CAMK2D: variants seen among roughly 807,000 people sequenced by gnomAD.
CAMK2D encodes calcium/calmodulin dependent protein kinase II delta.
A neutral mutation model predicts 84.0 loss-of-function variants in CAMK2D; 37 were observed. The observed-to-expected ratio is 0.44, with a 90% CI of 0.34 to 0.58. The LOEUF (loss-of-function observed/expected upper bound fraction) is 0.58. Among genes scored for constraint, CAMK2D ranks in the 20% least tolerant of loss-of-function variants. CAMK2D has a pLI of 0.02. For synonymous variants in CAMK2D, 202 were observed against 212.5 expected (o/e 0.95, Z 0.43); for missense variants, 448 against 652.5 (o/e 0.69, Z 3.41).
At chr4:113,540,294 G>A (rs1268462022) in intron 6 of CAMK2D, among the ~76,000 whole-genome samples, 1 of 152,202 alleles carries the variant, frequency 6.6e-6, no homozygotes, top group African/African-American at 2.4e-5. Context: ...AGCTGAAAGG[G>A]TAGTATTTCT....
chr4:113,643,515 C>T (rs1046563663), intron 3 of CAMK2D, among the ~76,000 whole-genome samples: 3 of 152,250 alleles, frequency 2.0e-5, no homozygotes, highest in Non-Finnish European at 4.4e-5. Context: ...GTCATAAGAA[C>T]AGGGTCCGGA....
intron 4 of CAMK2D, among the ~76,000 whole-genome samples, chr4:113,580,198 G>T (rs891781371): frequency 6.6e-6 from 1 of 152,174 alleles, no homozygotes; most frequent in East Asian, 1.9e-4. Context: ...AAAAAGGCAA[G>T]AGAAAATGAC....
intron 2 of CAMK2D, among the ~76,000 whole-genome samples, chr4:113,714,003 C>T (rs985580070): frequency 2.6e-5 from 4 of 151,826 alleles, no homozygotes; most frequent in Admixed American, 6.6e-5. Context: ...CCTTCATTAC[C>T]ACTATATCAT....
chr4:113,516,632 A>C (rs975484954), intron 9 of CAMK2D, among the ~76,000 whole-genome samples: 32 of 92,706 alleles, frequency 3.5e-4, no homozygotes, highest in African/African-American at 2.4e-3. Context: ...CTAAATAGAA[A>C]ATTTTTATCA....
chr4:113,532,388 A>T (rs1276517438), intron 7 of CAMK2D, among the ~76,000 whole-genome samples: 1 of 152,182 alleles, frequency 6.6e-6, no homozygotes, highest in Non-Finnish European at 1.5e-5. Context: ...TTAAGCTTCA[A>T]ATGGACCCTG....
intron 3 of CAMK2D, among the ~76,000 whole-genome samples, chr4:113,630,033 A>G (rs1215630604): frequency 2.0e-5 from 3 of 152,126 alleles, no homozygotes; most frequent in Non-Finnish European, 4.4e-5. Flanking sequence ...ACATAAATGC[A>G]ACATTTTACT....
chr4:113,525,097 A>G (rs980187128), intron 8 of CAMK2D, among the ~76,000 whole-genome samples: 8 of 152,236 alleles, frequency 5.3e-5, no homozygotes, highest in African/African-American at 1.7e-4. Flanking sequence ...GTTAAACCCC[A>G]GAAAACACAT....
At chr4:113,670,506 T>G (rs969946345) in intron 2 of CAMK2D, among the ~76,000 whole-genome samples, 4 of 152,036 alleles carry the variant, frequency 2.6e-5, no homozygotes, top group African/African-American at 9.7e-5. Flanking sequence ...TATACTATTA[T>G]AGAGGACTGA....
intron 2 of CAMK2D, among the ~76,000 whole-genome samples, chr4:113,756,346 G>T (rs1406968469): frequency 6.6e-6 from 1 of 151,934 alleles, no homozygotes; most frequent in Admixed American, 6.6e-5. Context: ...TGGAGTTGGA[G>T]GACCTGCCTG....
intron 2 of CAMK2D, among the ~76,000 whole-genome samples, chr4:113,692,735 C>CATACATATTCATAT (rs2099391694): frequency 6.6e-6 from 1 of 150,642 alleles, no homozygotes; most frequent in Admixed American, 6.6e-5. Context: ...TATATTCATA[C>CATACATATTCATAT]ATACATATTC....
At chr4:113,753,878 T>G in intron 2 of CAMK2D, 2 of 984,810 alleles carry the variant, frequency 2.0e-6, no homozygotes. Context: ...AGGCTTTCTT[T>G]ATCTCCCTGG....
At chr4:113,622,498 C>T (rs2154278215) in intron 3 of CAMK2D, among the ~76,000 whole-genome samples, 1 of 152,246 alleles carries the variant, frequency 6.6e-6, no homozygotes, top group South Asian at 2.1e-4. Flanking sequence ...GGCACAGTGG[C>T]TTATGCCTGC....
rs115381847 is a variant in CAMK2D, at chr4:113,485,406, T to C, written c.1135+15057A>G. On this transcript the variant is annotated intron_variant, in intron 16 of 20. Coordinates refer to ENST00000511664, the MANE Select transcript of CAMK2D (RefSeq NM_001321571.2). ...CTGAAAGAGTAACTTACTAAATAAATGTAAAAATGATCAGCAAATTTCTTC... is the reference window on the plus strand; with the variant it reads ...CTGAAAGAGTAACTTACTAAATAAACGTAAAAATGATCAGCAAATTTCTTC... Among the ~76,000 whole-genome samples the C allele has an allele frequency of 7.3e-3, 1,112 of 152,330 alleles. 16 individuals are homozygous for C. Among genetic ancestry groups the C allele is most frequent in the African/African-American group, 0.025 (1,056 of 41,572 alleles).
At chr4:113,616,377 T>G (rs2099021231) in intron 3 of CAMK2D, among the ~76,000 whole-genome samples, 1 of 152,126 alleles carries the variant, frequency 6.6e-6, no homozygotes, top group Admixed American at 6.6e-5. Context: ...CTCACCCCAC[T>G]CCTGATTCAA....
At chr4:113,534,685 A>T (rs1451843090) in intron 7 of CAMK2D, among the ~76,000 whole-genome samples, 1 of 152,220 alleles carries the variant, frequency 6.6e-6, no homozygotes, top group African/African-American at 2.4e-5. Flanking sequence ...GCAAAGAATT[A>T]TGTCATTGTT....
At chr4:113,459,801 T>C (rs1241472642) in intron 18 of CAMK2D, among the ~76,000 whole-genome samples, 1 of 152,070 alleles carries the variant, frequency 6.6e-6, no homozygotes, top group Non-Finnish European at 1.5e-5. Context: ...TAATTTTGTA[T>C]TTTTAGTAGA....
At chr4:113,745,029 ATC>A (rs2099601170) in intron 2 of CAMK2D, among the ~76,000 whole-genome samples, 1 of 152,156 alleles carries the variant, frequency 6.6e-6, no homozygotes, top group African/African-American at 2.4e-5. Flanking sequence ...CTCCTGCCAC[ATC>A]TGTTATTATC....
chr4:113,520,495 C>G (rs954784048), intron 8 of CAMK2D, among the ~76,000 whole-genome samples: 2 of 152,006 alleles, frequency 1.3e-5, no homozygotes, highest in Admixed American at 6.6e-5. Flanking sequence ...CCCAATTTAT[C>G]TTTTTAATAA....
At chr4:113,635,324 T>G (rs922276059) in intron 3 of CAMK2D, among the ~76,000 whole-genome samples, 1 of 152,194 alleles carries the variant, frequency 6.6e-6, no homozygotes, top group African/African-American at 2.4e-5. Context: ...CAGTTATTAT[T>G]AAGAACACAA....
Sources: gnomAD v4.1 joint callset for allele counts (sites outside exome capture counted in the v4.1 genomes callset) on GRCh38, gnomAD v4.1.1 for gene constraint, MANE v1.5 for transcripts, NCBI Gene and HGNC (gene_info 2026-07-23, HGNC 2026-07-21) for gene names.